SRD5A2: variants seen among roughly 807,000 people sequenced by gnomAD.
The protein encoded by SRD5A2 is steroid 5 alpha-reductase 2, also known as 3-oxo-5-alpha-steroid 4-dehydrogenase 2.
SRD5A2 carries 30 observed loss-of-function variants against 27.4 expected under a neutral mutation model. That is an observed-to-expected ratio of 1.10 (90% CI 0.82 to 1.49). The LOEUF (loss-of-function observed/expected upper bound fraction) is 1.49, where lower values mean the gene tolerates loss of function less well. Ranked by LOEUF, SRD5A2 falls within the 40% of genes most tolerant of loss-of-function variation. The pLI, the probability that SRD5A2 is intolerant of heterozygous loss-of-function variation, is 0.00. For missense variants in SRD5A2, 348 were observed against 323.4 expected, an observed-to-expected ratio of 1.08 and a Z score of -0.58; for synonymous variants, 141 against 133.6, an observed-to-expected ratio of 1.06 and a Z score of -0.38.
At position 31,526,104 on chromosome 2, in the gene SRD5A2, C is replaced by CATATATATATATATCTAT; in HGVS notation, c.*91_*92insATAGATATATATATATAT. 1.3e-6 allele frequency: 1 copy of CATATATATATATATCTAT among 795,664 alleles called. No individual in the cohort carries two copies. The allele number at this position is 795,664 out of a possible 1,614,324, so 49.3% of individuals were successfully genotyped here. A position where few individuals can be genotyped will look rare whatever the true frequency, so the allele number is the denominator to read the frequency against. On this transcript the variant is annotated 3_prime_UTR_variant, in exon 5 of 5. Coordinates refer to ENST00000622030, the MANE Select transcript of SRD5A2 (RefSeq NM_000348.4). The stretch of plus-strand genomic sequence containing the variant: ...CAGGAGACCTACTATTACATATATA[C>CATATATATATATATCTAT]GGGACTATTATATCATGAAAATTAC...
At chr2:31,648,215 AAAAGGTTTTT>A in the SRD5A2 span, among the ~76,000 whole-genome samples, 1 of 152,218 alleles carries the variant, frequency 6.6e-6, no homozygotes, top group African/African-American at 2.4e-5. Context: ...AATGGAGGAA[AAAAGGTTTTT>A]AAAATGCCAA....
the SRD5A2 span, among the ~76,000 whole-genome samples, chr2:31,654,877 G>C: frequency 6.6e-6 from 1 of 152,128 alleles, no homozygotes; most frequent in African/African-American, 2.4e-5. Flanking sequence ...TCTTGCTACA[G>C]GGTAACCTTG....
the SRD5A2 span, among the ~76,000 whole-genome samples, chr2:31,653,119 C>T: frequency 6.6e-6 from 1 of 152,154 alleles, no homozygotes; most frequent in Non-Finnish European, 1.5e-5. Flanking sequence ...CTCACCCCCA[C>T]CCCCAGTCCC....
chr2:31,625,970 A>T, the SRD5A2 span, among the ~76,000 whole-genome samples: 1 of 152,134 alleles, frequency 6.6e-6, no homozygotes, highest in Non-Finnish European at 1.5e-5. Flanking sequence ...CATTTTCACC[A>T]TATTGATTCT....
chr2:31,564,477 G>A (rs1472185827), intron 1 of SRD5A2, among the ~76,000 whole-genome samples: 1 of 152,014 alleles, frequency 6.6e-6, no homozygotes, highest in South Asian at 2.1e-4. Flanking sequence ...GAAAGGAGAA[G>A]TAGGGAGGGA....
the SRD5A2 span, among the ~76,000 whole-genome samples, chr2:31,652,776 A>C: frequency 6.6e-6 from 1 of 152,252 alleles, no homozygotes; most frequent in Non-Finnish European, 1.5e-5. Flanking sequence ...AAGTAGCTAA[A>C]GAACAAAAAT....
the SRD5A2 span, among the ~76,000 whole-genome samples, chr2:31,588,769 G>A: frequency 1.3e-5 from 2 of 152,162 alleles, no homozygotes; most frequent in East Asian, 3.8e-4. Flanking sequence ...ACTAACTGCA[G>A]TGTGTACACT....
chr2:31,544,874 A>G (rs960051577), intron 1 of SRD5A2, among the ~76,000 whole-genome samples: 7 of 151,948 alleles, frequency 4.6e-5, no homozygotes, highest in African/African-American at 1.7e-4. Context: ...GGACATTACT[A>G]CTTATTCTAT....
intron 1 of SRD5A2, among the ~76,000 whole-genome samples, chr2:31,568,177 CAT>C (rs1341621419): frequency 6.6e-6 from 1 of 152,164 alleles, no homozygotes; most frequent in Non-Finnish European, 1.5e-5. Flanking sequence ...AAGAGGGTGT[CAT>C]AGCCCTGGCT....
the SRD5A2 span, among the ~76,000 whole-genome samples, chr2:31,596,385 CAAAAAAA>C: frequency 9.4e-5 from 6 of 63,892 alleles, no homozygotes; most frequent in East Asian, 5.0e-4. Flanking sequence ...AAGACTCCAC[CAAAAAAA>C]AAAAAAAAAA....
chr2:31,609,694 G>T, the SRD5A2 span, among the ~76,000 whole-genome samples: 3 of 152,070 alleles, frequency 2.0e-5, no homozygotes, highest in Non-Finnish European at 4.4e-5. Flanking sequence ...AAATCTTTAT[G>T]ATTTTAAATT....
chr2:31,573,592 T>C (rs1666895460), intron 1 of SRD5A2, among the ~76,000 whole-genome samples: 1 of 152,200 alleles, frequency 6.6e-6, no homozygotes, highest in Non-Finnish European at 1.5e-5. Flanking sequence ...AAAATATTTA[T>C]GCTCCCCCTA....
chr2:31,577,648 G>T (rs936869921), intron 1 of SRD5A2, among the ~76,000 whole-genome samples: 1 of 152,136 alleles, frequency 6.6e-6, no homozygotes, highest in African/African-American at 2.4e-5. Context: ...AGCCAAACCT[G>T]AGCCATCCTT....
chr2:31,594,978 CA>C, the SRD5A2 span, among the ~76,000 whole-genome samples: 1 of 152,144 alleles, frequency 6.6e-6, no homozygotes, highest in African/African-American at 2.4e-5. Flanking sequence ...ATAATGAAAT[CA>C]AAACGGAAAT....
chr2:31,526,162 T>G lies in SRD5A2; in HGVS notation c.*34A>C. ...GCAGCTTGACAGTTTTCATCAGCATTGTGGGAGCTCTGCTCCTTTTTAATT... is the reference window on the plus strand; with the variant it reads ...GCAGCTTGACAGTTTTCATCAGCATGGTGGGAGCTCTGCTCCTTTTTAATT... On this transcript the variant is annotated 3_prime_UTR_variant, in exon 5 of 5. Transcript: ENST00000622030. The G allele has an allele frequency of 7.2e-7, 1 of 1,387,494 alleles. No homozygotes were observed. Among genetic ancestry groups the G allele is most frequent in the Non-Finnish European group, 1.0e-6 (1 of 995,272 alleles). The allele number at this position is 1,387,494 out of a possible 1,614,324, so 85.9% of individuals were successfully genotyped here.
chr2:31,641,432 C>G, the SRD5A2 span, among the ~76,000 whole-genome samples: 2 of 152,078 alleles, frequency 1.3e-5, no homozygotes, highest in African/African-American at 4.8e-5. Context: ...TTCATGCTTT[C>G]AAAAGCTGAG....
chr2:31,580,133 T>C (rs1667040236), intron 1 of SRD5A2, among the ~76,000 whole-genome samples: 1 of 152,136 alleles, frequency 6.6e-6, no homozygotes. Flanking sequence ...TGAGTTTCCC[T>C]CGGGAGATGC....
chr2:31,590,411 T>A, the SRD5A2 span, among the ~76,000 whole-genome samples: 85,308 of 151,814 alleles, frequency 0.56, 24,364 homozygotes, highest in Non-Finnish European at 0.61. Context: ...TAAGTAGGAT[T>A]CCTAGGTATT....
chr2:31,628,439 G>A, the SRD5A2 span, among the ~76,000 whole-genome samples: 4 of 152,092 alleles, frequency 2.6e-5, no homozygotes, highest in Non-Finnish European at 4.4e-5. Flanking sequence ...CCAACTCTGT[G>A]TCTATTAATT....
Sources: gnomAD v4.1 joint callset for allele counts (sites outside exome capture counted in the v4.1 genomes callset) on GRCh38, gnomAD v4.1.1 for gene constraint, MANE v1.5 for transcripts, NCBI Gene and HGNC (gene_info 2026-07-23, HGNC 2026-07-21) for gene names.